Variants in FAM78B observed in about 807,000 individuals in gnomAD.
FAM78B encodes protein FAM78B.
A neutral mutation model predicts 20.0 loss-of-function variants in FAM78B; 10 were observed. The observed-to-expected ratio is 0.50, with a 90% confidence interval of 0.31 to 0.85. The LOEUF is 0.85. Ranked by LOEUF, FAM78B falls within the 40% of genes least tolerant of loss-of-function variation. The probability of loss-of-function intolerance (pLI) is 0.05; values close to 1 mark genes in which losing one functional copy is unlikely to be tolerated. For missense variants in FAM78B, 283 were observed against 345.0 expected (o/e 0.82, Z 1.42); for synonymous variants, 135 against 132.8 (o/e 1.02, Z -0.12).
intron 1 of FAM78B, among the ~76,000 whole-genome samples, chr1:166,116,529 C>T (rs1237116896): frequency 1.3e-5 from 2 of 152,300 alleles, no homozygotes; most frequent in East Asian, 1.9e-4. Flanking sequence ...AGCAGATTGG[C>T]AAGGTTATGG....
chr1:166,157,327 C>A (rs899699956), intron 1 of FAM78B, among the ~76,000 whole-genome samples: 2 of 151,700 alleles, frequency 1.3e-5, no homozygotes, highest in Admixed American at 6.6e-5. Context: ...AGTGTTGATT[C>A]CTAATCCGTA....
At chr1:166,149,202 TC>T (rs1313945698) in intron 1 of FAM78B, among the ~76,000 whole-genome samples, 2 of 152,170 alleles carry the variant, frequency 1.3e-5, no homozygotes, top group Non-Finnish European at 2.9e-5. Flanking sequence ...TAGTTCTAGA[TC>T]CCTGAGGAAT....
chr1:166,116,723 G>C (rs1283268747), intron 1 of FAM78B, among the ~76,000 whole-genome samples: 3 of 152,172 alleles, frequency 2.0e-5, no homozygotes, highest in Non-Finnish European at 4.4e-5. Flanking sequence ...TTGTCCTACA[G>C]TAATCTTACC....
intron 1 of FAM78B, among the ~76,000 whole-genome samples, chr1:166,121,066 G>C (rs1654450009): frequency 6.6e-6 from 1 of 152,152 alleles, no homozygotes; most frequent in Non-Finnish European, 1.5e-5. Flanking sequence ...CTTTAAATTT[G>C]TAGAGCCTCG....
chr1:166,090,030 G>A (rs1653002525), intron 1 of FAM78B, among the ~76,000 whole-genome samples: 1 of 152,164 alleles, frequency 6.6e-6, no homozygotes, highest in Non-Finnish European at 1.5e-5. Context: ...AGGATCGAAA[G>A]CCAAACAGGA....
intron 1 of FAM78B, among the ~76,000 whole-genome samples, chr1:166,157,626 A>G (rs1286184797): frequency 6.6e-6 from 1 of 152,160 alleles, no homozygotes; most frequent in East Asian, 1.9e-4. Context: ...TGAGCTGATG[A>G]CAAAGCCAGG....
intron 1 of FAM78B, among the ~76,000 whole-genome samples, chr1:166,129,454 A>C (rs1654791246): frequency 6.6e-6 from 1 of 152,222 alleles, no homozygotes; most frequent in Admixed American, 6.5e-5. Context: ...CCATCTCTGC[A>C]ATGAACAAAG....
At chr1:166,079,534 G>C (rs114063294) in intron 1 of FAM78B, among the ~76,000 whole-genome samples, 3,058 of 152,260 alleles carry the variant, frequency 0.02, 45 homozygotes, top group Middle Eastern at 0.034. Flanking sequence ...CCATGTGTTG[G>C]GTGCCCACAT....
At chr1:166,165,514 A>G (rs1364616316) in intron 1 of FAM78B, among the ~76,000 whole-genome samples, 1 of 152,096 alleles carries the variant, frequency 6.6e-6, no homozygotes, top group African/African-American at 2.4e-5. Context: ...TCCCGCTCGG[A>G]TGCCCGGGAC....
At chr1:166,070,788 A>G in intron 1 of FAM78B, 25 bp from the exon 2 acceptor site, 1 of 1,515,672 alleles carries the variant, frequency 6.6e-7, no homozygotes, top group African/African-American at 1.4e-5. Context: ...GACATGCACA[A>G]GAAAAGAAGA....
At chr1:166,149,876 A>C (rs1655610165) in intron 1 of FAM78B, among the ~76,000 whole-genome samples, 2 of 152,046 alleles carry the variant, frequency 1.3e-5, no homozygotes, top group Non-Finnish European at 2.9e-5. Flanking sequence ...TGCACCTTCC[A>C]AATGACTGCT....
At chr1:166,088,705 A>C (rs1652940943) in intron 1 of FAM78B, among the ~76,000 whole-genome samples, 1 of 152,084 alleles carries the variant, frequency 6.6e-6, no homozygotes, top group Non-Finnish European at 1.5e-5. Flanking sequence ...TGACTGTTCC[A>C]GCCTGCCTGA....
At chr1:166,163,541 T>C (rs1333305016) in intron 1 of FAM78B, among the ~76,000 whole-genome samples, 3 of 152,244 alleles carry the variant, frequency 2.0e-5, no homozygotes, top group African/African-American at 7.2e-5. Context: ...TTCACCATAT[T>C]GTGGTTCATG....
intron 1 of FAM78B, among the ~76,000 whole-genome samples, chr1:166,134,311 C>T (rs1654991119): frequency 6.7e-6 from 1 of 150,136 alleles, no homozygotes; most frequent in Non-Finnish European, 1.5e-5. Context: ...CCTTGGAAGG[C>T]ATTTAATCCA....
chr1:166,085,231 T>C (rs1042432412), intron 1 of FAM78B, among the ~76,000 whole-genome samples: 1 of 152,184 alleles, frequency 6.6e-6, no homozygotes, highest in African/African-American at 2.4e-5. Flanking sequence ...AAGACACGAC[T>C]AGTTTTTTTG....
Position 166,163,767 on chromosome 1 carries a change from A to T in FAM78B, c.263+2219T>A, listed in dbSNP as rs895143291. ...GGCTCCAAAGTGGCCTTTAACACAT[A>T]GCAATTATTGCAACCATGAAGAAAC... On this transcript the variant is annotated intron_variant, in intron 1 of 1. Coordinates refer to ENST00000354422, the MANE Select transcript of FAM78B (RefSeq NM_001017961.5). Among the ~76,000 whole-genome samples the T allele has an allele frequency of 2.4e-4, 36 of 152,254 alleles. 1 individual carries two copies. Among genetic ancestry groups the T allele is most frequent in the Non-Finnish European group, 1.5e-5 (1 of 68,044 alleles).
At chr1:166,128,207 T>TA (rs5778485) in intron 1 of FAM78B, among the ~76,000 whole-genome samples, 4,134 of 24,262 alleles carry the variant, frequency 0.17, 257 homozygotes, top group Admixed American at 0.46. Flanking sequence ...TTTATTCCTC[T>TA]TTTATTTATT....
At chr1:166,089,222 T>C (rs1652964498) in intron 1 of FAM78B, among the ~76,000 whole-genome samples, 1 of 152,236 alleles carries the variant, frequency 6.6e-6, no homozygotes, top group South Asian at 2.1e-4. Flanking sequence ...CATCTTCTCC[T>C]GATTCATAGA....
chr1:166,114,760 TCTTTA>T (rs1339512332), intron 1 of FAM78B, among the ~76,000 whole-genome samples: 3 of 152,196 alleles, frequency 2.0e-5, no homozygotes, highest in African/African-American at 7.2e-5. Flanking sequence ...CAATGTGGAA[TCTTTA>T]CTTTAAAAGA....
Sources: gnomAD v4.1 joint callset for allele counts (sites outside exome capture counted in the v4.1 genomes callset) on GRCh38, gnomAD v4.1.1 for gene constraint, MANE v1.5 for transcripts, NCBI Gene and HGNC (gene_info 2026-07-23, HGNC 2026-07-21) for gene names.